The following TENM2 variants were observed in gnomAD, a reference collection of about 807,000 sequenced individuals.
The protein encoded by TENM2 is teneurin-2.
In TENM2, 52 loss-of-function variants were observed where a neutral mutation model predicts 245.2. The ratio of observed to expected loss-of-function variants is 0.21; its 90% CI spans 0.17 to 0.27. TENM2 has a LOEUF of 0.27. Ranked by LOEUF, TENM2 falls within the 10% of genes least tolerant of loss-of-function variation. The probability of loss-of-function intolerance (pLI) is 1.00; values close to 1 mark genes in which losing one functional copy is unlikely to be tolerated. For missense variants in TENM2, 3,046 were observed against 3,666.8 expected (o/e 0.83, Z 4.37); for synonymous variants, 1,363 against 1,438.9 (o/e 0.95, Z 1.19).
At chr5:167,154,303 G>T in the TENM2 span, among the ~76,000 whole-genome samples, 76 of 152,222 alleles carry the variant, frequency 5.0e-4, no homozygotes, top group Non-Finnish European at 1.2e-4. Context: ...TTCATGGGCT[G>T]AAAATATTTA....
At chr5:166,984,592 T>C in the TENM2 span, among the ~76,000 whole-genome samples, 1 of 152,148 alleles carries the variant, frequency 6.6e-6, no homozygotes, top group East Asian at 1.9e-4. Flanking sequence ...ATTTGTAACA[T>C]GTTTTTTTAA....
At chr5:167,682,972 C>G (rs1047149282) in intron 2 of TENM2, among the ~76,000 whole-genome samples, 1 of 152,148 alleles carries the variant, frequency 6.6e-6, no homozygotes, top group African/African-American at 2.4e-5. Context: ...AGTAATGACA[C>G]CTTTCTTTCC....
rs554594098 is a variant in TENM2, at chr5:167,709,664, C to G, written c.503-166322C>G. On this transcript the variant is annotated intron_variant, in intron 2 of 28. Transcript: ENST00000518659. The stretch of plus-strand genomic sequence containing the variant: ...CAGCTTTGTCTCTGTATATCGTACT[C>G]AATCTCCCCTCTCTTCAGACCCACA... Among the ~76,000 whole-genome samples, 9 of 152,294 alleles carry G rather than the reference C, an allele frequency of 5.9e-5. No homozygotes were observed. In the South Asian group the frequency reaches 1.0e-3, roughly 18 times the overall value.
intron 4 of TENM2, among the ~76,000 whole-genome samples, chr5:167,959,377 A>G (rs1208585375): frequency 6.6e-6 from 1 of 151,960 alleles, no homozygotes; most frequent in Non-Finnish European, 1.5e-5. Context: ...TTGTATTGTT[A>G]GTAGAGACGG....
chr5:167,669,038 C>T (rs1262335960), intron 2 of TENM2, among the ~76,000 whole-genome samples: 2 of 152,166 alleles, frequency 1.3e-5, no homozygotes, highest in Admixed American at 6.6e-5. Flanking sequence ...ACTGAGCACA[C>T]ACTTGGCATA....
intron 1 of TENM2, among the ~76,000 whole-genome samples, chr5:167,363,864 A>G (rs1286556294): frequency 6.6e-6 from 1 of 152,094 alleles, no homozygotes; most frequent in Non-Finnish European, 1.5e-5. Context: ...TATCATTTAC[A>G]TACTATTAAC....
At chr5:167,800,504 C>G (rs140454343) in intron 2 of TENM2, among the ~76,000 whole-genome samples, 2 of 152,318 alleles carry the variant, frequency 1.3e-5, no homozygotes, top group Non-Finnish European at 2.9e-5. Context: ...TCCTAACTAG[C>G]ATTACCCTGC....
At chr5:167,226,215 C>T in the TENM2 span, among the ~76,000 whole-genome samples, 32,198 of 151,604 alleles carry the variant, frequency 0.21, 4,095 homozygotes, top group African/African-American at 0.36. Flanking sequence ...GTTTATTCTT[C>T]CTTTTCTAGT....
chr5:168,056,956 T>C (rs1038306943), intron 6 of TENM2, among the ~76,000 whole-genome samples: 3 of 152,160 alleles, frequency 2.0e-5, no homozygotes, highest in Non-Finnish European at 4.4e-5. Flanking sequence ...TCTAGATTTG[T>C]GTGAGTATAC....
intron 2 of TENM2, among the ~76,000 whole-genome samples, chr5:167,807,769 G>A (rs574038056): frequency 1.8e-4 from 27 of 151,896 alleles, no homozygotes; most frequent in South Asian, 1.3e-3. Flanking sequence ...GTCTTTTTCC[G>A]CAGGGCAACA....
At chr5:167,381,444 C>T (rs1427431695) in intron 2 of TENM2, among the ~76,000 whole-genome samples, 1 of 152,146 alleles carries the variant, frequency 6.6e-6, no homozygotes, top group African/African-American at 2.4e-5. Flanking sequence ...AGGCTGAATC[C>T]AGTTTGAATT....
chr5:167,340,896 G>A (rs1271762624), intron 1 of TENM2, among the ~76,000 whole-genome samples: 1 of 151,374 alleles, frequency 6.6e-6, no homozygotes, highest in African/African-American at 2.4e-5. Context: ...ATTTTTTTTT[G>A]TAACTTATTT....
intron 2 of TENM2, among the ~76,000 whole-genome samples, chr5:167,579,563 G>A (rs1028901122): frequency 3.3e-5 from 5 of 152,166 alleles, no homozygotes; most frequent in African/African-American, 4.8e-5. Context: ...GTAGCCAAGC[G>A]TTGTCCTGAC....
intron 2 of TENM2, among the ~76,000 whole-genome samples, chr5:167,693,271 A>G (rs1335500386): frequency 6.6e-6 from 1 of 152,196 alleles, no homozygotes; most frequent in African/African-American, 2.4e-5. Flanking sequence ...CTATTGGTCA[A>G]TAGAGGGGCT....
the TENM2 span, among the ~76,000 whole-genome samples, chr5:166,989,937 G>T: frequency 6.6e-6 from 1 of 151,462 alleles, no homozygotes; most frequent in South Asian, 2.1e-4. Flanking sequence ...GTATCATCAA[G>T]AGTCTATTAA....
At chr5:168,109,479 G>A (rs964972765) in intron 9 of TENM2, among the ~76,000 whole-genome samples, 3 of 152,156 alleles carry the variant, frequency 2.0e-5, no homozygotes, top group Admixed American at 2.0e-4. Context: ...CCCTTGCCCA[G>A]GTATGGTTTT....
intron 2 of TENM2, among the ~76,000 whole-genome samples, chr5:167,745,608 C>T (rs1177733328): frequency 2.6e-5 from 4 of 152,178 alleles, no homozygotes; most frequent in African/African-American, 9.6e-5. Flanking sequence ...GAACAACCAA[C>T]AACATCCTCC....
At chr5:167,183,712 A>G in the TENM2 span, among the ~76,000 whole-genome samples, 2 of 152,124 alleles carry the variant, frequency 1.3e-5, no homozygotes, top group African/African-American at 4.8e-5. Context: ...TATGTATTTT[A>G]TATATTAATG....
chr5:168,106,839 T>C lies in TENM2; in HGVS notation c.1813+8712T>C, dbSNP rs1402850064. On this transcript the variant is annotated intron_variant, in intron 9 of 28. Transcript: ENST00000518659. ...ACTCTGGGAGGCCAAGACAGGCAGA[T>C]CACTTGAGCCCAGCAGTTCATGACC... Among the ~76,000 whole-genome samples, 3 of 152,186 alleles carry C rather than the reference T, an allele frequency of 2.0e-5. No homozygotes were observed. The East Asian group carries it at 5.8e-4, about 29-fold the overall frequency.
Sources: gnomAD v4.1 joint callset for allele counts (sites outside exome capture counted in the v4.1 genomes callset) on GRCh38, gnomAD v4.1.1 for gene constraint, MANE v1.5 for transcripts, NCBI Gene and HGNC (gene_info 2026-07-23, HGNC 2026-07-21) for gene names.